The following KCTD8 variants were observed in gnomAD, a reference collection of about 807,000 sequenced individuals.
KCTD8 encodes the protein BTB/POZ domain-containing protein KCTD8.
Under a neutral mutation model 31.5 loss-of-function variants are expected in KCTD8, and 27 were observed. The observed-to-expected ratio is 0.86, with a 90% CI of 0.63 to 1.18. The LOEUF is 1.18. Among genes scored for constraint, KCTD8 ranks in the 50% most tolerant of loss-of-function variants. The pLI is 0.00. For missense variants in KCTD8, 658 were observed against 647.7 expected (o/e 1.02, Z -0.17); for synonymous variants, 290 against 280.0 (o/e 1.04, Z -0.36).
At chr4:44,371,622 T>C (rs1719788852) in intron 1 of KCTD8, among the ~76,000 whole-genome samples, 1 of 152,170 alleles carries the variant, frequency 6.6e-6, no homozygotes. Flanking sequence ...TGCAAACATA[T>C]ATATGATCTC....
chr4:44,423,526 C>G lies in KCTD8; in HGVS notation c.961+24037G>C, dbSNP rs143499496. Among the ~76,000 whole-genome samples, 99 of 152,062 alleles carry G rather than the reference C, an allele frequency of 6.5e-4. 1 individual carries two copies. In the East Asian group the frequency reaches 0.018, roughly 28 times the overall value. ...TTCTGTCTGCTTAATAAAAAGTGAC[C>G]CAATTCCTCTGTTCTGTTAGGCTGG... On this transcript the variant is annotated intron_variant, in intron 1 of 1. Transcript: ENST00000360029.
intron 1 of KCTD8, among the ~76,000 whole-genome samples, chr4:44,359,687 T>C (rs1379990119): frequency 6.6e-6 from 1 of 152,148 alleles, no homozygotes; most frequent in African/African-American, 2.4e-5. Flanking sequence ...ATGCAGAGCA[T>C]GAATTAAATC....
At chr4:44,308,335 C>A (rs183850178) in intron 1 of KCTD8, among the ~76,000 whole-genome samples, 2 of 151,970 alleles carry the variant, frequency 1.3e-5, no homozygotes, top group Non-Finnish European at 2.9e-5. Flanking sequence ...TTACAATGAA[C>A]TCTTTTTTTT....
At chr4:44,407,334 T>C (rs1427310603) in intron 1 of KCTD8, among the ~76,000 whole-genome samples, 2 of 152,056 alleles carry the variant, frequency 1.3e-5, no homozygotes, top group Non-Finnish European at 2.9e-5. Context: ...CAAATCTACT[T>C]CATTCTACTT....
At chr4:44,325,229 G>T (rs1718412621) in intron 1 of KCTD8, among the ~76,000 whole-genome samples, 1 of 151,926 alleles carries the variant, frequency 6.6e-6, no homozygotes, top group Admixed American at 6.6e-5. Flanking sequence ...AGGTGTGTAT[G>T]TAAGATCCTT....
chr4:44,325,018 G>A (rs1486730520), intron 1 of KCTD8, among the ~76,000 whole-genome samples: 1 of 151,916 alleles, frequency 6.6e-6, no homozygotes, highest in Non-Finnish European at 1.5e-5. Flanking sequence ...GATTATATAA[G>A]CATGAGAACA....
chr4:44,427,585 C>G (rs2109474958), intron 1 of KCTD8, among the ~76,000 whole-genome samples: 1 of 151,626 alleles, frequency 6.6e-6, no homozygotes, highest in East Asian at 1.9e-4. Flanking sequence ...TAACCATCTA[C>G]AGAATATAAT....
chr4:44,351,370 T>TA (rs1162378303), intron 1 of KCTD8, among the ~76,000 whole-genome samples: 1 of 152,138 alleles, frequency 6.6e-6, no homozygotes, highest in Non-Finnish European at 1.5e-5. Flanking sequence ...TTTAAGTCAT[T>TA]AAAAAGAATT....
chr4:44,405,558 G>A (rs1008782515), intron 1 of KCTD8, among the ~76,000 whole-genome samples: 4 of 151,988 alleles, frequency 2.6e-5, no homozygotes, highest in South Asian at 4.2e-4. Flanking sequence ...GTGAGCCACC[G>A]CACCCGGCCC....
intron 1 of KCTD8, among the ~76,000 whole-genome samples, chr4:44,440,469 A>G (rs1421137562): frequency 3.9e-5 from 6 of 152,290 alleles, no homozygotes. Context: ...ACAATTATAT[A>G]AAGTTTATTG....
chr4:44,239,015 G>C (rs1009691164), intron 1 of KCTD8, among the ~76,000 whole-genome samples: 1 of 152,124 alleles, frequency 6.6e-6, no homozygotes, highest in African/African-American at 2.4e-5. Context: ...CAGCACCTCA[G>C]TTCTAACAAA....
intron 1 of KCTD8, among the ~76,000 whole-genome samples, chr4:44,352,068 A>G (rs1719218715): frequency 6.6e-6 from 1 of 152,132 alleles, no homozygotes. Flanking sequence ...GGACTCAGAA[A>G]TTCTCTTCTC....
intron 1 of KCTD8, among the ~76,000 whole-genome samples, chr4:44,305,212 AAAGT>A (rs1445602005): frequency 6.6e-6 from 1 of 151,776 alleles, no homozygotes; most frequent in East Asian, 1.9e-4. Context: ...TAGATAATTA[AAAGT>A]AAATATACAT....
chr4:44,363,030 G>T (rs1021746968), intron 1 of KCTD8, among the ~76,000 whole-genome samples: 2 of 151,964 alleles, frequency 1.3e-5, no homozygotes, highest in African/African-American at 4.8e-5. Flanking sequence ...TTATTTTTTA[G>T]ATTGATATTT....
intron 1 of KCTD8, among the ~76,000 whole-genome samples, chr4:44,292,596 C>T (rs983371394): frequency 5.3e-5 from 8 of 152,090 alleles, no homozygotes; most frequent in African/African-American, 1.2e-4. Context: ...TGTAACAAAC[C>T]TGCACCTTTA....
At chr4:44,316,829 T>C (rs1462553296) in intron 1 of KCTD8, among the ~76,000 whole-genome samples, 1 of 86,870 alleles carries the variant, frequency 1.2e-5, no homozygotes, top group African/African-American at 4.1e-5. Flanking sequence ...AAAAAGAAGA[T>C]AAGCCGAGCT....
intron 1 of KCTD8, among the ~76,000 whole-genome samples, chr4:44,294,612 T>C (rs955885780): frequency 1.3e-5 from 2 of 152,200 alleles, no homozygotes; most frequent in African/African-American, 2.4e-5. Flanking sequence ...CTGATTTTCA[T>C]GATAGCTTGT....
chr4:44,350,684 T>C, intron 1 of KCTD8, among the ~76,000 whole-genome samples: 1 of 152,194 alleles, frequency 6.6e-6, no homozygotes, highest in East Asian at 1.9e-4. Flanking sequence ...ATAAAAAGTT[T>C]TCATTGTTTA....
At chr4:44,334,672 A>AT (rs199783753) in intron 1 of KCTD8, among the ~76,000 whole-genome samples, 530 of 152,232 alleles carry the variant, frequency 3.5e-3, no homozygotes, top group African/African-American at 0.012. Context: ...ATCCTTGAAC[A>AT]TAACAACAAC....
Sources: allele counts gnomAD v4.1 joint callset (sites outside exome capture counted in the v4.1 genomes callset), GRCh38; gene constraint gnomAD v4.1.1; transcripts MANE v1.5; gene names NCBI Gene and HGNC (gene_info 2026-07-23, HGNC 2026-07-21).